TENM2: variants seen among roughly 807,000 people sequenced by gnomAD.
The protein encoded by TENM2 is teneurin-2.
A neutral mutation model predicts 245.2 loss-of-function variants in TENM2; 52 were observed. The observed-to-expected ratio is 0.21, with a 90% CI of 0.17 to 0.27. The LOEUF is 0.27. Ranked by LOEUF, TENM2 falls within the 10% of genes least tolerant of loss-of-function variation. The pLI, the probability that TENM2 is intolerant of heterozygous loss-of-function variation, is 1.00. For missense variants in TENM2, 3,046 were observed against 3,666.8 expected, an observed-to-expected ratio of 0.83 and a Z score of 4.37; for synonymous variants, 1,363 against 1,438.9, an observed-to-expected ratio of 0.95 and a Z score of 1.19.
intron 5 of TENM2, among the ~76,000 whole-genome samples, chr5:168,013,603 C>CAACAAAACAAAACAAAACAA (rs10632619): frequency 1.2e-4 from 18 of 149,808 alleles, no homozygotes; most frequent in African/African-American, 3.7e-4. Context: ...GACTCTGTCT[C>CAACAAAACAAAACAAAACAA]AACAAAACAA....
the TENM2 span, among the ~76,000 whole-genome samples, chr5:167,152,257 A>G: frequency 6.6e-6 from 1 of 152,218 alleles, no homozygotes. Context: ...TTACAATCTG[A>G]AGAAGACTGG....
At chr5:167,251,526 C>G in the TENM2 span, among the ~76,000 whole-genome samples, 2 of 152,100 alleles carry the variant, frequency 1.3e-5, no homozygotes, top group Admixed American at 6.6e-5. Context: ...TTTTTATTTT[C>G]CTGAAGGAGA....
At chr5:167,354,833 G>A (rs924563671) in intron 1 of TENM2, among the ~76,000 whole-genome samples, 3 of 152,126 alleles carry the variant, frequency 2.0e-5, no homozygotes, top group African/African-American at 7.2e-5. Flanking sequence ...AATGTTTGTT[G>A]AATGAAGAAA....
intron 2 of TENM2, among the ~76,000 whole-genome samples, chr5:167,513,024 G>T (rs1418566080): frequency 6.6e-6 from 1 of 152,174 alleles, no homozygotes; most frequent in African/African-American, 2.4e-5. Context: ...CTGGTTTGAA[G>T]ATATGATTTT....
chr5:167,745,883 G>A (rs1761523760), intron 2 of TENM2, among the ~76,000 whole-genome samples: 1 of 152,152 alleles, frequency 6.6e-6, no homozygotes, highest in African/African-American at 2.4e-5. Context: ...TCTTTATCCA[G>A]CAGTTGATGG....
At chr5:167,566,675 C>T (rs1773928737) in intron 2 of TENM2, among the ~76,000 whole-genome samples, 2 of 152,112 alleles carry the variant, frequency 1.3e-5, no homozygotes, top group African/African-American at 4.8e-5. Context: ...TTCAAACGTT[C>T]CATATTGAGA....
chr5:168,227,834 T>G, intron 24 of TENM2, 61 bp from the exon 27 acceptor site: 1 of 1,147,598 alleles, frequency 8.7e-7, no homozygotes, highest in African/African-American at 1.6e-5. Flanking sequence ...TTCTATTCTC[T>G]TCTGACTAAT....
chr5:167,020,085 G>A, the TENM2 span, among the ~76,000 whole-genome samples: 14 of 152,100 alleles, frequency 9.2e-5, no homozygotes, highest in African/African-American at 3.4e-4. Flanking sequence ...TACTCACCTA[G>A]TATTAAAGTT....
intron 2 of TENM2, among the ~76,000 whole-genome samples, chr5:167,396,050 T>C (rs745735752): frequency 3.3e-5 from 5 of 152,126 alleles, no homozygotes; most frequent in Non-Finnish European, 4.4e-5. Context: ...GAAAAAAATA[T>C]GGAGTTTCCT....
At chr5:167,427,659 G>A (rs1429030079) in intron 2 of TENM2, among the ~76,000 whole-genome samples, 18 of 84,394 alleles carry the variant, frequency 2.1e-4, no homozygotes, top group South Asian at 4.1e-4. Flanking sequence ...AGGGACGGGA[G>A]GGAAGGAAGG....
At chr5:167,679,770 A>G (rs935034762) in intron 2 of TENM2, among the ~76,000 whole-genome samples, 1 of 152,164 alleles carries the variant, frequency 6.6e-6, no homozygotes, top group African/African-American at 2.4e-5. Flanking sequence ...TGAAAAATCT[A>G]AAGTATAGTC....
chr5:167,956,487 C>T (rs966781044), intron 4 of TENM2, among the ~76,000 whole-genome samples: 5 of 152,058 alleles, frequency 3.3e-5, no homozygotes, highest in Admixed American at 6.5e-5. Flanking sequence ...TGATTTCCCT[C>T]GCCAGAACTT....
At chr5:168,183,162 C>T (rs1760079954) in intron 13 of TENM2, among the ~76,000 whole-genome samples, 1 of 152,112 alleles carries the variant, frequency 6.6e-6, no homozygotes, top group Non-Finnish European at 1.5e-5. Flanking sequence ...CCACCCCTCA[C>T]CCCCACTCCT....
chr5:167,939,403 C>G (rs1778989527), intron 3 of TENM2, among the ~76,000 whole-genome samples: 1 of 152,200 alleles, frequency 6.6e-6, no homozygotes, highest in Non-Finnish European at 1.5e-5. Context: ...TCACCTCCTA[C>G]TATGCTGCCC....
At chr5:167,373,511 C>T (rs977606632) in intron 1 of TENM2, among the ~76,000 whole-genome samples, 1 of 152,090 alleles carries the variant, frequency 6.6e-6, no homozygotes, top group Admixed American at 6.5e-5. Flanking sequence ...TTTTCATTGT[C>T]ATAAATTGGT....
At chr5:167,130,065 T>A in the TENM2 span, among the ~76,000 whole-genome samples, 1 of 152,148 alleles carries the variant, frequency 6.6e-6, no homozygotes, top group African/African-American at 2.4e-5. Flanking sequence ...TTCTTGCATG[T>A]TGGGTTGTGT....
chr5:167,170,911 A>G, the TENM2 span, among the ~76,000 whole-genome samples: 2 of 145,190 alleles, frequency 1.4e-5, no homozygotes, highest in African/African-American at 2.9e-5. Context: ...ACCGTCTCCT[A>G]AAACTCTTTT....
intron 1 of TENM2, among the ~76,000 whole-genome samples, chr5:167,353,825 A>T (rs575498575): frequency 6.6e-6 from 1 of 152,234 alleles, no homozygotes; most frequent in African/African-American, 2.4e-5. Flanking sequence ...TGTTTTATTT[A>T]AAAGAAAATT....
the TENM2 span, among the ~76,000 whole-genome samples, chr5:167,096,445 G>A: frequency 1.6e-4 from 25 of 152,204 alleles, no homozygotes; most frequent in South Asian, 2.5e-3. Context: ...CGGTGGCCCC[G>A]ATGAGTCCCT....
Sources: gnomAD v4.1 joint callset for allele counts (sites outside exome capture counted in the v4.1 genomes callset) on GRCh38, gnomAD v4.1.1 for gene constraint, MANE v1.5 for transcripts, NCBI Gene and HGNC (gene_info 2026-07-23, HGNC 2026-07-21) for gene names.